Variants in DCC observed in about 807,000 individuals in gnomAD.
DCC encodes the protein netrin receptor DCC.
A neutral mutation model predicts 172.5 loss-of-function variants in DCC; 58 were observed. The ratio of observed to expected loss-of-function variants is 0.34; its 90% CI spans 0.27 to 0.42. The LOEUF (loss-of-function observed/expected upper bound fraction) is 0.42, where lower values mean the gene tolerates loss of function less well. DCC is among the 10% of genes least tolerant of loss of function. The probability of loss-of-function intolerance (pLI) is 1.00; values close to 1 mark genes in which losing one functional copy is unlikely to be tolerated. For synonymous variants in DCC, 709 were observed against 644.5 expected (o/e 1.10, Z -1.52); for missense variants, 1,740 against 1,791.0 (o/e 0.97, Z 0.51).
At chr18:53,351,460 CAGTG>C (rs1568075477) in intron 15 of DCC, among the ~76,000 whole-genome samples, 3 of 21,584 alleles carry the variant, frequency 1.4e-4, no homozygotes, top group Admixed American at 5.0e-4. Flanking sequence ...TATATATACA[CAGTG>C]TGTATATATA....
intron 7 of DCC, among the ~76,000 whole-genome samples, chr18:53,153,598 C>T (rs1397140387): frequency 6.6e-6 from 1 of 152,170 alleles, no homozygotes; most frequent in African/African-American, 2.4e-5. Context: ...TTGAACCCCA[C>T]TTTTCAATAA....
Position 52,710,769 on chromosome 18 carries a change from C to T in DCC, c.92-41285C>T, listed in dbSNP as rs115380612. Among the ~76,000 whole-genome samples the T allele has an allele frequency of 6.0e-3, 914 of 152,252 alleles. 12 individuals are homozygous for T. Among genetic ancestry groups the T allele is most frequent in the African/African-American group, 0.021 (881 of 41,534 alleles). On this transcript the variant is annotated intron_variant, in intron 1 of 28. Transcript: ENST00000442544. ...TAAGAGATTTAAAATTAGGATGGCT[C>T]AGGTTAATAGAGTAGTATAAAGAAC... is the stretch of plus-strand genomic sequence containing the variant.
chr18:52,358,859 T>C (rs1984495624), intron 1 of DCC, among the ~76,000 whole-genome samples: 1 of 152,212 alleles, frequency 6.6e-6, no homozygotes, highest in Admixed American at 6.5e-5. Flanking sequence ...AGATTGCTGC[T>C]GCAGCATCAA....
chr18:53,236,045 G>C (rs1270438678), intron 12 of DCC, among the ~76,000 whole-genome samples: 2 of 152,106 alleles, frequency 1.3e-5, no homozygotes, highest in Admixed American at 6.6e-5. Context: ...TAAAACTGCT[G>C]CCACACTGTT....
At chr18:52,571,282 T>G (rs1229155448) in intron 1 of DCC, among the ~76,000 whole-genome samples, 1 of 151,902 alleles carries the variant, frequency 6.6e-6, no homozygotes, top group Non-Finnish European at 1.5e-5. Context: ...GTGGTGACTA[T>G]GAGGAGGGGT....
At chr18:52,778,203 A>G (rs543883147) in intron 2 of DCC, among the ~76,000 whole-genome samples, 2 of 152,274 alleles carry the variant, frequency 1.3e-5, no homozygotes, top group African/African-American at 2.4e-5. Context: ...TAAAGTTTTA[A>G]AAGTTTTCGA....
intron 1 of DCC, among the ~76,000 whole-genome samples, chr18:52,357,413 A>C (rs4473286): frequency 1.3e-5 from 2 of 151,936 alleles, no homozygotes; most frequent in Non-Finnish European, 1.5e-5. Flanking sequence ...AATGGTCAAA[A>C]CTGCAACAAT....
intron 12 of DCC, among the ~76,000 whole-genome samples, chr18:53,268,198 T>C (rs2056704562): frequency 6.6e-6 from 1 of 152,180 alleles, no homozygotes; most frequent in Admixed American, 6.5e-5. Context: ...GAATTTTTTC[T>C]CAGTGGGAGG....
intron 12 of DCC, among the ~76,000 whole-genome samples, chr18:53,247,573 T>C (rs1236268660): frequency 8.3e-6 from 1 of 121,056 alleles, no homozygotes; most frequent in Non-Finnish European, 1.7e-5. Flanking sequence ...GCTAATACTT[T>C]GTTTATTTGT....
chr18:52,538,704 T>C (rs2032353620), intron 1 of DCC, among the ~76,000 whole-genome samples: 1 of 152,182 alleles, frequency 6.6e-6, no homozygotes, highest in African/African-American at 2.4e-5. Flanking sequence ...GAGAGCTGTG[T>C]CCCTACTACA....
At chr18:53,193,485 A>AT (rs33938769) in intron 9 of DCC, among the ~76,000 whole-genome samples, 4 of 151,440 alleles carry the variant, frequency 2.6e-5, no homozygotes, top group Non-Finnish European at 5.9e-5. Context: ...AGCACTGCCC[A>AT]TTTTTTTTTA....
chr18:52,786,973 A>G (rs918442789), intron 2 of DCC, among the ~76,000 whole-genome samples: 3 of 152,196 alleles, frequency 2.0e-5, no homozygotes, highest in Non-Finnish European at 4.4e-5. Context: ...CTATATTGCC[A>G]TAAGTTAAGA....
chr18:52,455,603 A>T (rs1233631763), intron 1 of DCC, among the ~76,000 whole-genome samples: 1 of 152,190 alleles, frequency 6.6e-6, no homozygotes, highest in Non-Finnish European at 1.5e-5. Flanking sequence ...GGTACAAGTC[A>T]AGACCTTTAC....
At chr18:52,383,590 G>T (rs1452680716) in intron 1 of DCC, among the ~76,000 whole-genome samples, 1 of 151,868 alleles carries the variant, frequency 6.6e-6, no homozygotes, top group Non-Finnish European at 1.5e-5. Flanking sequence ...TTTATGGCTA[G>T]TCTCTTCTTT....
intron 2 of DCC, among the ~76,000 whole-genome samples, chr18:52,903,950 G>T (rs954039365): frequency 6.6e-6 from 1 of 152,202 alleles, no homozygotes; most frequent in East Asian, 1.9e-4. Context: ...CAATAAGCCT[G>T]GGTACAAGGT....
intron 1 of DCC, among the ~76,000 whole-genome samples, chr18:52,528,289 C>CAT (rs936186972): frequency 2.6e-5 from 4 of 152,062 alleles, no homozygotes; most frequent in South Asian, 4.2e-4. Context: ...TACATATGTG[C>CAT]ATATATATAT....
At chr18:52,824,695 G>A (rs1374033005) in intron 2 of DCC, among the ~76,000 whole-genome samples, 3 of 152,098 alleles carry the variant, frequency 2.0e-5, no homozygotes, top group Non-Finnish European at 4.4e-5. Context: ...ACATGGCCAG[G>A]CATTGTGGTT....
chr18:52,825,938 A>G (rs191442534), intron 2 of DCC, among the ~76,000 whole-genome samples: 9 of 152,348 alleles, frequency 5.9e-5, no homozygotes, highest in East Asian at 3.9e-4. Flanking sequence ...GAGGGGGGGA[A>G]AAACAGCAGA....
intron 1 of DCC, among the ~76,000 whole-genome samples, chr18:52,599,567 TGCAATGGC>T (rs1304464422): frequency 6.6e-6 from 1 of 152,070 alleles, no homozygotes; most frequent in Non-Finnish European, 1.5e-5. Flanking sequence ...CAGGCTGGAG[TGCAATGGC>T]GCAATCTCTG....
Sources: gnomAD v4.1 joint callset for allele counts (sites outside exome capture counted in the v4.1 genomes callset) on GRCh38, gnomAD v4.1.1 for gene constraint, MANE v1.5 for transcripts, NCBI Gene and HGNC (gene_info 2026-07-23, HGNC 2026-07-21) for gene names.